The following ESRRB variants were observed in gnomAD, a reference collection of about 807,000 sequenced individuals.
ESRRB encodes estrogen related receptor beta.
A neutral mutation model predicts 46.0 loss-of-function variants in ESRRB; 16 were observed. That is an observed-to-expected ratio of 0.35 (90% CI 0.24 to 0.53). The LOEUF (loss-of-function observed/expected upper bound fraction) is 0.53. Ranked by LOEUF, ESRRB falls within the 20% of genes least tolerant of loss-of-function variation. The pLI is 0.93. For missense variants in ESRRB, 488 were observed against 607.4 expected (o/e 0.80, Z 2.07); for synonymous variants, 246 against 259.6 (o/e 0.95, Z 0.50).
chr14:76,486,939 A>C lies in ESRRB; in HGVS notation c.850+4180A>C, dbSNP rs1172337487. On this transcript the variant is annotated intron_variant, in intron 5 of 6. Coordinates refer to ENST00000644823, the MANE Select transcript of ESRRB (RefSeq NM_001379180.1). ...AGCGCTTTACTGAAGGGCAGGGAGG[A>C]GTGCCTGGGCTCCTTCTGGGTTTTA... 2.6e-5 allele frequency among the ~76,000 whole-genome samples: 4 copies of C among 152,190 alleles called. No homozygotes were observed. The East Asian group carries it at 7.7e-4, about 29-fold the overall frequency.
intron 1 of ESRRB, among the ~76,000 whole-genome samples, chr14:76,427,900 A>G (rs371444006): frequency 3.9e-5 from 6 of 152,224 alleles, no homozygotes; most frequent in African/African-American, 1.4e-4. Flanking sequence ...AAACCCAAAC[A>G]GTCCAGCTCT....
chr14:76,336,651 C>G (rs558480280), intron 1 of ESRRB, among the ~76,000 whole-genome samples: 11 of 152,280 alleles, frequency 7.2e-5, no homozygotes, highest in African/African-American at 2.4e-4. Flanking sequence ...ATCCCCAGGG[C>G]AAAAGCAGGA....
intron 1 of ESRRB, among the ~76,000 whole-genome samples, chr14:76,343,440 C>T (rs1884214243): frequency 6.6e-6 from 1 of 152,216 alleles, no homozygotes; most frequent in Admixed American, 6.5e-5. Flanking sequence ...ATCAACAATC[C>T]TTTCTTTTGC....
rs530314654 is a variant in ESRRB at position 76,461,199 on chromosome 14, G to C, written c.461-1346G>C. Reference sequence around the variant, plus strand: ...TCCCAGGAAGAGCGCTGGAAGGTCAGTTCAACCTAAATAAGACCTCTGTGT... The same window carrying C: ...TCCCAGGAAGAGCGCTGGAAGGTCACTTCAACCTAAATAAGACCTCTGTGT... On this transcript the variant is annotated intron_variant, in intron 2 of 6. Coordinates refer to ENST00000644823, the MANE Select transcript of ESRRB (RefSeq NM_001379180.1). 9.8e-5 allele frequency among the ~76,000 whole-genome samples: 15 copies of C among 152,312 alleles called. No individual in the cohort carries two copies. In the South Asian group the frequency reaches 3.1e-3, roughly 32 times the overall value.
At chr14:76,448,593 C>A (rs1447345708) in intron 2 of ESRRB, among the ~76,000 whole-genome samples, 1 of 151,892 alleles carries the variant, frequency 6.6e-6, no homozygotes, top group East Asian at 1.9e-4. Flanking sequence ...GCCTCGTCCT[C>A]CCAAAGTGCT....
At chr14:76,452,338 G>C (rs539370325) in intron 2 of ESRRB, among the ~76,000 whole-genome samples, 2 of 152,156 alleles carry the variant, frequency 1.3e-5, no homozygotes, top group South Asian at 4.2e-4. Context: ...TTTCAAAAGT[G>C]GATTCAGGCT....
intron 3 of ESRRB, among the ~76,000 whole-genome samples, chr14:76,475,062 T>C (rs2921453): frequency 0.32 from 48,038 of 151,406 alleles, 8,041 homozygotes; most frequent in Middle Eastern, 0.47. Flanking sequence ...GACCCCCATC[T>C]TTGCAAAAAA....
chr14:76,351,983 T>TC (rs2139761814), intron 1 of ESRRB, among the ~76,000 whole-genome samples: 1 of 104,804 alleles, frequency 9.5e-6, no homozygotes, highest in African/African-American at 4.2e-5. Flanking sequence ...AGACCCAGTC[T>TC]CTTAAAAAAA....
rs77540694 is a variant in ESRRB, at chr14:76,329,761, C to T, written c.2+18845C>T. Among the ~76,000 whole-genome samples the T allele has an allele frequency of 8.2e-3, 1,246 of 152,220 alleles. 21 individuals carry two copies. Among genetic ancestry groups the T allele is most frequent in the African/African-American group, 0.028 (1,142 of 41,518 alleles). The stretch of plus-strand genomic sequence containing the variant: ...CGTCCTGCCGTTGTTCCTGCCAGCC[C>T]GGGTCCCAGCAGGTGTTCCCTAATT... On this transcript the variant is annotated intron_variant, in intron 1 of 6. Coordinates refer to the ESRRB transcript ENST00000512784.
chr14:76,428,069 G>A (rs1015320126), intron 1 of ESRRB, among the ~76,000 whole-genome samples: 1 of 152,158 alleles, frequency 6.6e-6, no homozygotes, highest in Admixed American at 6.5e-5. Context: ...CGCAATCTTG[G>A]CTCACCACAA....
At chr14:76,341,723 T>C (rs1243411684) in intron 1 of ESRRB, among the ~76,000 whole-genome samples, 1 of 152,186 alleles carries the variant, frequency 6.6e-6, no homozygotes, top group African/African-American at 2.4e-5. Flanking sequence ...CCACCCACTG[T>C]CTCTGGGAGC....
At chr14:76,336,335 G>A (rs559338224) in intron 1 of ESRRB, among the ~76,000 whole-genome samples, 1 of 152,150 alleles carries the variant, frequency 6.6e-6, no homozygotes, top group East Asian at 1.9e-4. Flanking sequence ...ACCAAGTCTT[G>A]GCTGAGTGGT....
At chr14:76,333,693 A>G (rs1037996625) in intron 1 of ESRRB, among the ~76,000 whole-genome samples, 2 of 151,664 alleles carry the variant, frequency 1.3e-5, no homozygotes, top group Non-Finnish European at 2.9e-5. Flanking sequence ...TTAACCCAAT[A>G]TATCAAAATA....
At chr14:76,330,491 T>C (rs1883999522) in intron 1 of ESRRB, among the ~76,000 whole-genome samples, 1 of 152,198 alleles carries the variant, frequency 6.6e-6, no homozygotes, top group South Asian at 2.1e-4. Flanking sequence ...AAAGAGGCCA[T>C]CATGGCCGCT....
intron 1 of ESRRB, among the ~76,000 whole-genome samples, chr14:76,316,832 T>C (rs961680048): frequency 1.3e-5 from 2 of 152,234 alleles, no homozygotes; most frequent in Non-Finnish European, 2.9e-5. Context: ...AAGCTTTGTC[T>C]AAGTCGATGT....
intron 1 of ESRRB, among the ~76,000 whole-genome samples, chr14:76,360,647 G>T (rs1057012793): frequency 1.3e-5 from 2 of 152,064 alleles, no homozygotes; most frequent in Admixed American, 6.6e-5. Flanking sequence ...TAGGAGAGAG[G>T]CTCCCTCTCT....
chr14:76,495,074 CCACA>C (rs1353381950), intron 6 of ESRRB, among the ~76,000 whole-genome samples: 1 of 144,710 alleles, frequency 6.9e-6, no homozygotes, highest in Non-Finnish European at 1.5e-5. Context: ...ACATACACAC[CCACA>C]CATACACACA....
At chr14:76,478,098 T>C (rs1889652581) in intron 3 of ESRRB, among the ~76,000 whole-genome samples, 1 of 152,220 alleles carries the variant, frequency 6.6e-6, no homozygotes, top group South Asian at 2.1e-4. Flanking sequence ...ACAGTAATAA[T>C]AAGGATGATG....
intron 1 of ESRRB, among the ~76,000 whole-genome samples, chr14:76,327,341 C>T (rs971305703): frequency 6.6e-6 from 1 of 152,198 alleles, no homozygotes; most frequent in African/African-American, 2.4e-5. Context: ...TGTCTATGCT[C>T]ATGTGAGTCC....
Sources: gnomAD v4.1 joint callset for allele counts (sites outside exome capture counted in the v4.1 genomes callset) on GRCh38, gnomAD v4.1.1 for gene constraint, MANE v1.5 for transcripts, NCBI Gene and HGNC (gene_info 2026-07-23, HGNC 2026-07-21) for gene names.